Variants in MRRF observed in about 807,000 individuals in gnomAD.
MRRF encodes the protein ribosome-recycling factor, mitochondrial.
In MRRF, 18 loss-of-function variants were observed where a neutral mutation model predicts 25.1. The observed-to-expected ratio is 0.72, with a 90% CI of 0.50 to 1.06. MRRF has a LOEUF of 1.06. Ranked by LOEUF, MRRF falls within the 50% of genes least tolerant of loss-of-function variation. The pLI is 0.00. For synonymous variants in MRRF, 113 were observed against 112.1 expected, an observed-to-expected ratio of 1.01 and a Z score of -0.05; for missense variants, 323 against 319.3, an observed-to-expected ratio of 1.01 and a Z score of -0.09.
At chr9:122,316,435 C>G (rs1334211302) in intron 6 of MRRF, among the ~76,000 whole-genome samples, 1 of 152,158 alleles carries the variant, frequency 6.6e-6, no homozygotes, top group African/African-American at 2.4e-5. Context: ...CTCAGCCCCC[C>G]AAAGTGCTGG....
At chr9:122,319,312 G>A (rs1835732396) in intron 6 of MRRF, among the ~76,000 whole-genome samples, 1 of 151,820 alleles carries the variant, frequency 6.6e-6, no homozygotes, top group Admixed American at 6.6e-5. Flanking sequence ...CACCATGCCC[G>A]GCTAATTTTT....
intron 4 of MRRF, among the ~76,000 whole-genome samples, chr9:122,287,495 T>C (rs1009443279): frequency 6.6e-6 from 1 of 152,138 alleles, no homozygotes; most frequent in African/African-American, 2.4e-5. Context: ...GTAGGCACTG[T>C]GGGCCAATTT....
Position 122,312,468 on chromosome 9 carries a change from C to G in MRRF, c.552-759C>G, listed in dbSNP as rs76911303. On this transcript the variant is annotated intron_variant, in intron 5 of 6. Coordinates refer to ENST00000344641, the MANE Select transcript of MRRF (RefSeq NM_138777.5). Reference sequence around the variant, plus strand: ...AAATGTAAGGTAGATGTTACTAAATCTTTAACAGCTGCTCATCACTATTCC... The same window carrying G: ...AAATGTAAGGTAGATGTTACTAAATGTTTAACAGCTGCTCATCACTATTCC... Among the ~76,000 whole-genome samples the G allele has an allele frequency of 6.9e-4, 105 of 152,220 alleles. 3 individuals are homozygous for G. In the East Asian group the frequency reaches 0.02, roughly 28 times the overall value.
At chr9:122,279,526 TAAAC>T (rs1374062562) in intron 2 of MRRF, among the ~76,000 whole-genome samples, 1 of 152,244 alleles carries the variant, frequency 6.6e-6, no homozygotes, top group Non-Finnish European at 1.5e-5. Context: ...GTTTAATGAA[TAAAC>T]AGTGTAAATA....
chr9:122,298,764 GAGATGGTTAACA>G (rs1834247258), intron 5 of MRRF, among the ~76,000 whole-genome samples: 1 of 152,164 alleles, frequency 6.6e-6, no homozygotes, highest in Admixed American at 6.5e-5. Flanking sequence ...ATTTACTGGG[GAGATGGTTAACA>G]ACACACACAT....
chr9:122,301,731 G>C (rs1409034655), intron 5 of MRRF, among the ~76,000 whole-genome samples: 3 of 150,912 alleles, frequency 2.0e-5, no homozygotes, highest in Non-Finnish European at 4.4e-5. Context: ...TCTGCATGGT[G>C]ATTTTTTTTT....
intron 5 of MRRF, among the ~76,000 whole-genome samples, chr9:122,296,584 G>A (rs1238701033): frequency 1.3e-5 from 2 of 152,160 alleles, no homozygotes; most frequent in South Asian, 2.1e-4. Context: ...TGGGGTCTTT[G>A]TCACTGCCTT....
intron 5 of MRRF, among the ~76,000 whole-genome samples, chr9:122,310,397 A>G (rs902108341): frequency 2.0e-5 from 3 of 152,190 alleles, no homozygotes; most frequent in Non-Finnish European, 4.4e-5. Flanking sequence ...CCTGTAGAGT[A>G]TATTTGACTG....
intron 2 of MRRF, among the ~76,000 whole-genome samples, chr9:122,273,054 G>T (rs1336283755): frequency 6.6e-6 from 1 of 152,096 alleles, no homozygotes; most frequent in Non-Finnish European, 1.5e-5. Flanking sequence ...CAATTTACTG[G>T]TACAGATCTT....
At chr9:122,279,269 CTTACCAGTTGT>C (rs1317765395) in intron 2 of MRRF, among the ~76,000 whole-genome samples, 1 of 152,186 alleles carries the variant, frequency 6.6e-6, no homozygotes, top group African/African-American at 2.4e-5. Context: ...CACTCTGTTG[CTTACCAGTTGT>C]TTACTTTGGA....
intron 5 of MRRF, among the ~76,000 whole-genome samples, chr9:122,299,308 T>G (rs1834288349): frequency 6.6e-6 from 1 of 151,704 alleles, no homozygotes; most frequent in African/African-American, 2.4e-5. Context: ...AGAGATGGGA[T>G]TTCACCATGT....
At chr9:122,278,159 C>T (rs557038191) in intron 2 of MRRF, among the ~76,000 whole-genome samples, 2 of 150,506 alleles carry the variant, frequency 1.3e-5, no homozygotes, top group African/African-American at 4.9e-5. Context: ...TTTTTAAATT[C>T]TGCTGATTTG....
intron 1 of MRRF, among the ~76,000 whole-genome samples, chr9:122,268,131 G>A (rs916700610): frequency 6.6e-6 from 1 of 152,190 alleles, no homozygotes; most frequent in African/African-American, 2.4e-5. Context: ...GGACCTAAAG[G>A]ACTGCTTTTA....
At position 122,285,266 on chromosome 9, in the gene MRRF, GA is replaced by G; in HGVS notation, c.440del (p.Asn147IlefsTer16). 1 of 1,612,102 alleles carries G rather than the reference GA, an allele frequency of 6.2e-7. No individual in the cohort carries two copies. Among genetic ancestry groups the G allele is most frequent in the East Asian group, 2.2e-5 (1 of 44,868 alleles). On this transcript the variant is annotated frameshift_variant, in exon 4 of 7. Coordinates refer to ENST00000344641, the MANE Select transcript of MRRF (RefSeq NM_138777.5). LOFTEE classifies it high-confidence loss of function. ...SMKSPQLILV[N>X]MASFPECTAA... ...TGAAGTCGCCACAGCTGATTTTGGT[GA>G]ATATGGCCAGCTTCCCAGAGGTAAG...
chr9:122,308,408 A>G (rs894943919), intron 5 of MRRF, among the ~76,000 whole-genome samples: 5 of 136,604 alleles, frequency 3.7e-5, no homozygotes, highest in Non-Finnish European at 7.7e-5. Context: ...TTTTTTTAAG[A>G]TGGGGTCAGG....
chr9:122,295,833 AATG>A (rs1309263297), intron 5 of MRRF, among the ~76,000 whole-genome samples: 2 of 152,106 alleles, frequency 1.3e-5, no homozygotes, highest in African/African-American at 4.8e-5. Flanking sequence ...TCCACTGCCT[AATG>A]ATAGTCTATA....
intron 5 of MRRF, among the ~76,000 whole-genome samples, chr9:122,306,538 C>T (rs933973751): frequency 6.6e-6 from 1 of 152,184 alleles, no homozygotes; most frequent in Non-Finnish European, 1.5e-5. Context: ...AGTCTGACTT[C>T]AGAGCCCGTT....
rs1326805734 is a variant in MRRF, at chr9:122,322,964, C to G, written c.*347C>G. 2.8e-6 allele frequency: 1 copy of G among 355,830 alleles called. No homozygotes were observed. Among genetic ancestry groups the G allele is most frequent in the Non-Finnish European group, 5.3e-6 (1 of 188,904 alleles). The allele number at this position is 355,830 out of a possible 1,614,324, so 22.0% of individuals were successfully genotyped here. On this transcript the variant is annotated 3_prime_UTR_variant, in exon 7 of 7. Coordinates refer to ENST00000344641, the MANE Select transcript of MRRF (RefSeq NM_138777.5). ...AGTCTCCTTTTCAAATAATTAGGCT[C>G]TGTTCCCATTTTAAAACTCTGATAT...
At chr9:122,285,709 A>G (rs1833352910) in intron 4 of MRRF, 1 of 1,181,536 alleles carries the variant, frequency 8.5e-7, no homozygotes, top group Non-Finnish European at 1.1e-6. Context: ...AGAAGAAGCT[A>G]GTAACACAAA....
Sources: allele counts gnomAD v4.1 joint callset (sites outside exome capture counted in the v4.1 genomes callset), GRCh38; gene constraint gnomAD v4.1.1; transcripts MANE v1.5; gene names NCBI Gene and HGNC (gene_info 2026-07-23, HGNC 2026-07-21).